Variants in PSMA4 observed in about 807,000 individuals in gnomAD.
PSMA4 encodes the protein proteasome subunit alpha type-4.
In PSMA4, 8 loss-of-function variants were observed where a neutral mutation model predicts 37.2. The ratio of observed to expected loss-of-function variants is 0.22; its 90% CI spans 0.13 to 0.39. The LOEUF is 0.39. Ranked by LOEUF, PSMA4 falls within the 10% of genes least tolerant of loss-of-function variation. The pLI, the probability that PSMA4 is intolerant of heterozygous loss-of-function variation, is 1.00. For missense variants in PSMA4, 169 were observed against 305.1 expected (o/e 0.55, Z 3.32); for synonymous variants, 93 against 98.8 (o/e 0.94, Z 0.35).
chr15:78,550,692 T>A lies in PSMA4; in HGVS notation c.*1748T>A, dbSNP rs956468038. 1 of 151,996 alleles carries A rather than the reference T, an allele frequency of 6.6e-6. No individual in the cohort carries two copies. The highest frequency in any genetic ancestry group is 2.4e-5 in the African/African-American group (1 of 41,312). The allele number at this position is 151,996 out of a possible 1,614,324, so 9.4% of individuals were successfully genotyped here. A position where few individuals can be genotyped will look rare whatever the true frequency, so the allele number is the denominator to read the frequency against. On this transcript the variant is annotated 3_prime_UTR_variant, in exon 9 of 9. Coordinates refer to ENST00000044462, the MANE Select transcript of PSMA4 (RefSeq NM_002789.6). ...GAAATAGTAAAATCACTAAGAAAAA[T>A]GCAAAAATAAACGGCACAAGGTAGA...
Position 78,546,599 on chromosome 15 carries a change from G to T in PSMA4, c.532G>T (p.Asp178Tyr), listed in dbSNP as rs1333065468. ...SAAAVSMLKQ[D>Y]YKEGEMTLKS... ...GGCAGCTGTGTCAATGTTGAAACAAGACTATAAAGAAGGAGAAATGACCTT... is the reference window on the plus strand; with the variant it reads ...GGCAGCTGTGTCAATGTTGAAACAATACTATAAAGAAGGAGAAATGACCTT... The change falls in exon 8 of 9, where the codon GAC becomes TAC. Residue 178 changes from aspartate to tyrosine, a missense_variant. Physicochemically the swap from Asp to Tyr is radical, Grantham distance 160. Around this residue, in one of 2 missense-constraint regions of PSMA4, gnomAD observed 90 missense variants for 92.7 expected, o/e 0.97. Coordinates refer to ENST00000044462, the MANE Select transcript of PSMA4 (RefSeq NM_002789.6). The T allele has an allele frequency of 6.3e-7, 1 of 1,596,644 alleles. No homozygotes were observed. The highest frequency in any genetic ancestry group is 2.2e-5 in the East Asian group (1 of 44,652).
chr15:78,548,887 A>G lies in PSMA4; in HGVS notation c.729A>G (p.Glu243=). 6.2e-7 allele frequency: 1 copy of G among 1,613,260 alleles called. No individual in the cohort carries two copies. The highest frequency in any genetic ancestry group is 8.5e-7 in the Non-Finnish European group (1 of 1,179,632). ...AGTTGATCAAAAAACATGAGGAAGA[A>G]GAAGCCAAAGCTGAGCGTGAGAAGA... is the stretch of plus-strand genomic sequence containing the variant. ...VEQLIKKHEE[E]EAKAEREKKE... is the part of the protein sequence containing the mutation. Residue 243 remains glutamate, a synonymous_variant, in exon 9 of 9, where the codon GAA becomes GAG. Transcript: ENST00000044462.
chr15:78,550,557 C>G lies in PSMA4; in HGVS notation c.*1613C>G, dbSNP rs1260072116. On this transcript the variant is annotated 3_prime_UTR_variant, in exon 9 of 9. Transcript: ENST00000044462. ...ATGTTTCCCATGCCGGTCTCAAGCTCCTGGACTCAAGCGATCCTCCTGCCT... is the reference window on the plus strand; with the variant it reads ...ATGTTTCCCATGCCGGTCTCAAGCTGCTGGACTCAAGCGATCCTCCTGCCT... 6.6e-6 allele frequency: 1 copy of G among 152,250 alleles called. No individual in the cohort carries two copies. The highest frequency in any genetic ancestry group is 1.5e-5 in the Non-Finnish European group (1 of 68,222). The allele number at this position is 152,250 out of a possible 1,614,324, so 9.4% of individuals were successfully genotyped here.
At chr15:78,543,188 C>T (rs1279526107) in intron 4 of PSMA4, among the ~76,000 whole-genome samples, 1 of 152,186 alleles carries the variant, frequency 6.6e-6, no homozygotes, top group Non-Finnish European at 1.5e-5. Context: ...GTGTGCAGAA[C>T]TTTGCAGCTC....
At chr15:78,543,921 G>T in intron 4 of PSMA4, 2 of 308,426 alleles carry the variant, frequency 6.5e-6, no homozygotes, top group South Asian at 5.3e-5. Flanking sequence ...TAGCTTCTTG[G>T]CGTTAATTTT....
intron 8 of PSMA4, among the ~76,000 whole-genome samples, chr15:78,548,523 A>G (rs2141380059): frequency 6.6e-6 from 1 of 152,364 alleles, no homozygotes; most frequent in East Asian, 1.9e-4. Context: ...CAGGCCGGCA[A>G]TAGCAATTGG....
At chr15:78,542,029 C>T (rs2052462653) in intron 2 of PSMA4, 99 bp downstream of exon 2, 26 of 1,490,424 alleles carry the variant, frequency 1.7e-5, no homozygotes, top group Non-Finnish European at 2.4e-5. Flanking sequence ...AGAAGGAAAG[C>T]AGTGAGAAGG....
rs748326239 is a variant in PSMA4, at chr15:78,546,580, T to C, written c.513T>C (p.Ala171=). The C allele has an allele frequency of 2.5e-6, 4 of 1,581,928 alleles. No homozygotes were observed. Among genetic ancestry groups the C allele is most frequent in the Non-Finnish European group, 2.6e-6 (3 of 1,172,056 alleles). Residue 171 remains alanine, a synonymous_variant, in exon 8 of 9, where the codon GCT becomes GCC. Transcript: ENST00000044462. Reference sequence around the variant, plus strand: ...TGTTGATTCATGTTTTATAGGCAGCTGTGTCAATGTTGAAACAAGACTATA... The same window carrying C: ...TGTTGATTCATGTTTTATAGGCAGCCGTGTCAATGTTGAAACAAGACTATA... ...ATCIGNNSAA[A]VSMLKQDYKE...
intron 7 of PSMA4, 50 bp downstream of exon 7, chr15:78,545,814 C>T: frequency 1.3e-6 from 2 of 1,591,302 alleles, no homozygotes; most frequent in Non-Finnish European, 8.6e-7. Context: ...CTAATAACTG[C>T]CATAATTTTG....
rs1163901914 is a variant in PSMA4, at chr15:78,549,421, G to T, written c.*477G>T. 3 of 124,032 alleles carry T rather than the reference G, an allele frequency of 2.4e-5. No individual in the cohort carries two copies. Among genetic ancestry groups the T allele is most frequent in the Non-Finnish European group, 5.3e-5 (3 of 56,366 alleles). 7.7% of individuals were successfully genotyped at this position (124,032 alleles called of 1,614,324 possible). ...GGATCTCGCAGCTAGGACTGAGGCT[G>T]CCCACAGGCAGCAGCTCAAGCTGCG... is the stretch of plus-strand genomic sequence containing the variant. On this transcript the variant is annotated 3_prime_UTR_variant, in exon 9 of 9. Transcript: ENST00000044462.
Position 78,550,315 on chromosome 15 carries a change from C to T in PSMA4, c.*1371C>T, listed in dbSNP as rs1270537736. ...TTAACATAGAACTCAGCCAACAGCT[C>T]TTTACGTGAATGTTTTTGTTTTGTT... On this transcript the variant is annotated 3_prime_UTR_variant, in exon 9 of 9. Coordinates refer to ENST00000044462, the MANE Select transcript of PSMA4 (RefSeq NM_002789.6). 6.6e-6 allele frequency: 1 copy of T among 152,302 alleles called. No individual in the cohort carries two copies. The highest frequency in any genetic ancestry group is 2.4e-5 in the African/African-American group (1 of 41,420). The allele number at this position is 152,302 out of a possible 1,614,324, so 9.4% of individuals were successfully genotyped here.
Position 78,546,599 on chromosome 15 carries a change from G to C in PSMA4, c.532G>C (p.Asp178His), listed in dbSNP as rs1333065468. 1 of 1,596,646 alleles carries C rather than the reference G, an allele frequency of 6.3e-7. No homozygotes were observed. The highest frequency in any genetic ancestry group is 8.5e-7 in the Non-Finnish European group (1 of 1,175,562). Residue 178 changes from aspartate to histidine, a missense_variant, in exon 8 of 9, where the codon GAC becomes CAC. Physicochemically the swap from Asp to His is moderately conservative, Grantham distance 81. Around this residue, in one of 2 missense-constraint regions of PSMA4, gnomAD observed 90 missense variants for 92.7 expected, o/e 0.97. Coordinates refer to ENST00000044462, the MANE Select transcript of PSMA4 (RefSeq NM_002789.6). ...SAAAVSMLKQ[D>H]YKEGEMTLKS... Reference sequence around the variant, plus strand: ...GGCAGCTGTGTCAATGTTGAAACAAGACTATAAAGAAGGAGAAATGACCTT... The same window carrying C: ...GGCAGCTGTGTCAATGTTGAAACAACACTATAAAGAAGGAGAAATGACCTT...
intron 4 of PSMA4, among the ~76,000 whole-genome samples, chr15:78,543,336 A>G (rs78262427): frequency 0.038 from 5,810 of 152,150 alleles, 350 homozygotes; most frequent in East Asian, 0.3. Flanking sequence ...GGACCACTCA[A>G]CAGCTGGCAG....
intron 5 of PSMA4, 107 bp downstream of exon 5, chr15:78,544,374 GGC>G: frequency 7.3e-6 from 5 of 684,290 alleles, no homozygotes; most frequent in Non-Finnish European, 1.2e-5. Flanking sequence ...GGAGTGCAGT[GGC>G]ACGATCTTGG....
At chr15:78,544,730 T>G (rs1186775992) in intron 5 of PSMA4, 139 bp from the exon 6 acceptor site, 4 of 535,622 alleles carry the variant, frequency 7.5e-6, no homozygotes, top group Admixed American at 3.6e-5. Context: ...ATTCAGATGT[T>G]GACTTGTTCC....
chr15:78,549,635 G>A lies in PSMA4; in HGVS notation c.*691G>A, dbSNP rs1417587594. On this transcript the variant is annotated 3_prime_UTR_variant, in exon 9 of 9. Transcript: ENST00000044462. ...CTTAATGCGTAGCCATGGTGCTTTA[G>A]CATCACCTATGCAGATTCTGATGTC... The A allele has an allele frequency of 1.3e-5, 2 of 152,262 alleles. No individual in the cohort carries two copies. Among genetic ancestry groups the A allele is most frequent in the Non-Finnish European group, 2.9e-5 (2 of 68,054 alleles). 9.4% of individuals were successfully genotyped at this position (152,262 alleles called of 1,614,324 possible).
chr15:78,542,018 T>A (rs569914677), intron 2 of PSMA4, 88 bp downstream of exon 2: 65 of 1,514,870 alleles, frequency 4.3e-5, no homozygotes, highest in Non-Finnish European at 5.5e-5. Context: ...AAAATTGAAA[T>A]AGAAGGAAAG....
intron 4 of PSMA4, among the ~76,000 whole-genome samples, chr15:78,543,029 G>A (rs1428484889): frequency 1.3e-5 from 2 of 152,182 alleles, no homozygotes; most frequent in Non-Finnish European, 2.9e-5. Flanking sequence ...ATAGTATCTG[G>A]CATTTAGTAG....
intron 8 of PSMA4, 51 bp downstream of exon 8, chr15:78,546,749 C>G: frequency 1.3e-6 from 2 of 1,538,952 alleles, no homozygotes; most frequent in Non-Finnish European, 1.7e-6. Context: ...GGGAAATTAG[C>G]AGCTGTTAAG....
Sources: gnomAD v4.1 joint callset for allele counts (sites outside exome capture counted in the v4.1 genomes callset) on GRCh38, gnomAD v4.1.1 for gene constraint, gnomAD v4.1.1 regional missense constraint, MANE v1.5 for transcripts, NCBI Gene and HGNC (gene_info 2026-07-23, HGNC 2026-07-21) for gene names.